HAS3: variants seen among roughly 807,000 people sequenced by gnomAD.
The protein encoded by HAS3 is HA synthase 3.
A neutral mutation model predicts 50.3 loss-of-function variants in HAS3; 27 were observed. The ratio of observed to expected loss-of-function variants is 0.54; its 90% CI spans 0.40 to 0.74. The LOEUF (loss-of-function observed/expected upper bound fraction) is 0.74, where lower values mean the gene tolerates loss of function less well. Ranked by LOEUF, HAS3 falls within the 30% of genes least tolerant of loss-of-function variation. The probability of loss-of-function intolerance (pLI) is 0.00; values close to 1 mark genes in which losing one functional copy is unlikely to be tolerated. For missense variants in HAS3, 517 were observed against 742.8 expected (o/e 0.70, Z 3.53); for synonymous variants, 339 against 310.9 (o/e 1.09, Z -0.95).
chr16:69,105,081 C>T (rs1960755853), upstream of HAS3, among the ~76,000 whole-genome samples: 1 of 130,664 alleles, frequency 7.7e-6, no homozygotes, highest in African/African-American at 2.9e-5. Flanking sequence ...GATTTCAGCT[C>T]ACTGCAACCT....
At chr16:69,087,794 C>T in the HAS3 span, among the ~76,000 whole-genome samples, 2 of 151,078 alleles carry the variant, frequency 1.3e-5, no homozygotes, top group Non-Finnish European at 2.9e-5. Context: ...CATCCGCCTC[C>T]CAGGTTCAAG....
At chr16:69,112,893 G>A (rs1029113472) in intron 2 of HAS3, among the ~76,000 whole-genome samples, 6 of 152,190 alleles carry the variant, frequency 3.9e-5, no homozygotes, top group South Asian at 2.1e-4. Flanking sequence ...CGAGAGGCTC[G>A]GCCAAGGGAG....
the HAS3 span, among the ~76,000 whole-genome samples, chr16:69,099,260 C>T: frequency 2.3e-4 from 35 of 151,764 alleles, no homozygotes; most frequent in East Asian, 4.1e-3. Flanking sequence ...CGTGAGCCAC[C>T]GCGCCCGGCC....
Position 69,115,290 on chromosome 16 carries a change from A to G in HAS3, c.*24A>G, listed in dbSNP as rs777615783. On this transcript the variant is annotated 3_prime_UTR_variant, in exon 4 of 4. Transcript: ENST00000569188. ...GACATGGCCCCCAAGCAGAGCGGGT[A>G]AAGTGCAATGGGTAAGGGAGGGAAG... is the stretch of plus-strand genomic sequence containing the variant. The G allele has an allele frequency of 2.0e-6, 3 of 1,510,076 alleles. No homozygotes were observed. The highest frequency in any genetic ancestry group is 2.3e-5 in the East Asian group (1 of 43,972). 93.5% of individuals were successfully genotyped at this position (1,510,076 alleles called of 1,614,324 possible). A position where few individuals can be genotyped will look rare whatever the true frequency, so the allele number is the denominator to read the frequency against.
chr16:69,100,595 C>G, the HAS3 span, among the ~76,000 whole-genome samples: 4 of 152,150 alleles, frequency 2.6e-5, no homozygotes, highest in Non-Finnish European at 1.5e-5. Flanking sequence ...TGCCCCTCCT[C>G]CCGCCTCCCC....
Position 69,114,776 on chromosome 16 carries a change from T to C in HAS3, c.1172T>C (p.Phe391Ser). ...TCAGTGGTCACGGGTTTCTTCCCCT[T>C]CTTCCTCATTGCCACGGTTATACAG... ...YESVVTGFFPFFLIATVIQLF... is the reference protein window; with the variant it reads ...YESVVTGFFPSFLIATVIQLF... The change falls in exon 4 of 4, where the codon TTC becomes TCC. Residue 391 changes from phenylalanine to serine, a missense_variant. Coordinates refer to ENST00000569188, the MANE Select transcript of HAS3 (RefSeq NM_001199280.2). The surrounding 1 kb of genome is among the most constrained non-coding windows in gnomAD (Gnocchi z 6.4). 1 of 1,614,140 alleles carries C rather than the reference T, an allele frequency of 6.2e-7. No individual in the cohort carries two copies. The highest frequency in any genetic ancestry group is 8.5e-7 in the Non-Finnish European group (1 of 1,180,022).
downstream of HAS3, chr16:69,118,127 A>AATTT: frequency 1.4e-5 from 2 of 138,044 alleles, no homozygotes; most frequent in Non-Finnish European, 2.9e-5. Context: ...TTCATCCCCC[A>AATTT]CCCCCACCCT....
upstream of HAS3, among the ~76,000 whole-genome samples, chr16:69,104,064 G>C (rs1439573406): frequency 6.6e-6 from 1 of 152,094 alleles, no homozygotes; most frequent in Admixed American, 6.6e-5. Context: ...TAGCTCCTAG[G>C]GAGGCTGAGG....
At position 69,107,282 on chromosome 16, in the gene HAS3, T is replaced by G; in HGVS notation, c.-1+1495T>G. 3 of 954,576 alleles carry G rather than the reference T, an allele frequency of 3.1e-6. No individual in the cohort carries two copies. The highest frequency in any genetic ancestry group is 2.5e-6 in the Non-Finnish European group (2 of 802,976). 59.1% of individuals were successfully genotyped at this position (954,576 alleles called of 1,614,324 possible). On this transcript the variant is annotated intron_variant, in intron 1 of 3. Transcript: ENST00000569188. The surrounding 1 kb of genome is among the most constrained non-coding windows in gnomAD (Gnocchi z 5.5). ...CTATTTGGGGGTGGGGGTAGTAACC[T>G]GGGTAATGCCTCTAATTCCTGCGGG...
rs778620952 is a variant in HAS3 at position 69,113,446 on chromosome 16, C to T, written c.642C>T (p.Cys214=). 5.0e-6 allele frequency: 8 copies of T among 1,611,678 alleles called. No homozygotes were observed. Among genetic ancestry groups the T allele is most frequent in the East Asian group, 4.5e-5 (2 of 44,868 alleles). The part of the protein sequence containing the change: ...LGDSVDYIQV[C]DSDTVLDPAC... Reference sequence around the variant, plus strand: ...ACGACGCACTCCCTCTGCAGGTGTGCGACTCTGACACTGTGCTGGATCCAG... The same window carrying T: ...ACGACGCACTCCCTCTGCAGGTGTGTGACTCTGACACTGTGCTGGATCCAG... The change falls in exon 3 of 4, where the codon TGC becomes TGT. Residue 214 remains cysteine (C), a synonymous_variant. Coordinates refer to ENST00000569188, the MANE Select transcript of HAS3 (RefSeq NM_001199280.2).
the HAS3 span, among the ~76,000 whole-genome samples, chr16:69,085,402 AC>A: frequency 1.3e-5 from 2 of 152,040 alleles, no homozygotes; most frequent in African/African-American, 2.4e-5. Flanking sequence ...CTTAATTTGA[AC>A]TATTTGGCAA....
At chr16:69,087,644 T>C in the HAS3 span, among the ~76,000 whole-genome samples, 1 of 148,446 alleles carries the variant, frequency 6.7e-6, no homozygotes, top group Non-Finnish European at 1.5e-5. Context: ...ATGATCCACC[T>C]GCCTTGGCCT....
rs144874631 is a variant in HAS3 at position 69,109,413 on chromosome 16, G to A, written c.18G>A (p.Thr6=). 95 of 1,607,008 alleles carry A rather than the reference G, an allele frequency of 5.9e-5. No homozygotes were observed. The highest frequency in any genetic ancestry group is 1.1e-4 in the East Asian group (5 of 44,830). MPVQL[T]TALRVVGTSL... is the part of the protein sequence containing the mutation. ...CTCGCCAGATGCCGGTGCAGCTGAC[G>A]ACAGCCCTGCGTGTGGTGGGCACCA... Residue 6 remains threonine, a synonymous_variant, in exon 2 of 4, where the codon ACG becomes ACA. Coordinates refer to ENST00000569188, the MANE Select transcript of HAS3 (RefSeq NM_001199280.2). This position sits in a 1 kb window ranked among gnomAD's most constrained non-coding sequence, Gnocchi z 5.3.
rs144185943 is a variant in HAS3, at chr16:69,115,180, G to A, written c.1576G>A (p.Ala526Thr). ...GAILYGCYWV[A>T]LLMLYLAIIA... ...TATACTGTATGGCTGCTACTGGGTG[G>A]CCCTCCTCATGCTATATCTGGCCAT... The change falls in exon 4 of 4, where the codon GCC becomes ACC. Residue 526 changes from alanine (A) to threonine (T), a missense_variant. Physicochemically the swap from Ala to Thr is moderately conservative, Grantham distance 58 (BLOSUM62 0). Coordinates refer to ENST00000569188, the MANE Select transcript of HAS3 (RefSeq NM_001199280.2). The A allele has an allele frequency of 1.5e-4, 238 of 1,589,634 alleles. No individual in the cohort carries two copies. Among genetic ancestry groups the A allele is most frequent in the Non-Finnish European group, 2.0e-4 (232 of 1,167,050 alleles).
At chr16:69,086,783 A>G in the HAS3 span, among the ~76,000 whole-genome samples, 11 of 152,218 alleles carry the variant, frequency 7.2e-5, no homozygotes, top group African/African-American at 2.2e-4. Context: ...GCATGCCTGT[A>G]ATCCCAGCTA....
chr16:69,083,946 C>T, the HAS3 span: 1 of 253,910 alleles, frequency 3.9e-6, no homozygotes, highest in South Asian at 1.0e-4. Flanking sequence ...GGATGTCTAC[C>T]TGGTGAAAGT....
the HAS3 span, chr16:69,084,501 T>C: frequency 6.6e-6 from 1 of 152,374 alleles, no homozygotes; most frequent in Non-Finnish European, 1.5e-5. Flanking sequence ...TCACACTGAA[T>C]GCAGGCTGGA....
Position 69,116,938 on chromosome 16 carries a change from G to A in HAS3, c.*1672G>A, listed in dbSNP as rs1436662535. The A allele has an allele frequency of 3.0e-6, 3 of 985,316 alleles. No individual in the cohort carries two copies. The highest frequency in any genetic ancestry group is 6.1e-5 in the Admixed American group (1 of 16,268). The allele number at this position is 985,316 out of a possible 1,614,324, so 61.0% of individuals were successfully genotyped here. The stretch of plus-strand genomic sequence containing the variant: ...TGTACCAAGTGCTTCCTACAAAGAC[G>A]CAAGGTGTGCTCTGAGCCACAGATG... On this transcript the variant is annotated 3_prime_UTR_variant, in exon 4 of 4. Transcript: ENST00000569188.
the HAS3 span, among the ~76,000 whole-genome samples, chr16:69,100,642 C>T: frequency 6.6e-6 from 1 of 152,194 alleles, no homozygotes; most frequent in Non-Finnish European, 1.5e-5. Context: ...CGGAGCAGAA[C>T]CGTGGGACGA....
Sources: allele counts gnomAD v4.1 joint callset (sites outside exome capture counted in the v4.1 genomes callset), GRCh38; gene constraint gnomAD v4.1.1; non-coding constraint Gnocchi (gnomAD v3.1); transcripts MANE v1.5; gene names NCBI Gene and HGNC (gene_info 2026-07-23, HGNC 2026-07-21).